The following ZMAT4 variants were observed in gnomAD, a reference collection of about 807,000 sequenced individuals.
ZMAT4 encodes the protein zinc finger matrin-type protein 4.
ZMAT4 carries 17 observed loss-of-function variants against 28.7 expected under a neutral mutation model. The observed-to-expected ratio is 0.59, with a 90% confidence interval of 0.41 to 0.89. ZMAT4 has a LOEUF of 0.89. Among genes scored for constraint, ZMAT4 ranks in the 40% least tolerant of loss-of-function variants. The pLI is 0.00. For missense variants in ZMAT4, 240 were observed against 283.8 expected (o/e 0.85, Z 1.11); for synonymous variants, 117 against 109.2 (o/e 1.07, Z -0.44).
intron 5 of ZMAT4, among the ~76,000 whole-genome samples, chr8:40,598,613 T>C (rs1805185127): frequency 6.6e-6 from 1 of 152,318 alleles, no homozygotes; most frequent in East Asian, 1.9e-4. Context: ...CAATCTATCA[T>C]TGATGGGTAT....
intron 4 of ZMAT4, among the ~76,000 whole-genome samples, chr8:40,693,708 C>T (rs190698880): frequency 6.6e-6 from 1 of 152,324 alleles, no homozygotes; most frequent in Admixed American, 6.5e-5. Context: ...CAGCCACAGA[C>T]AATATGTAAA....
At chr8:40,588,388 C>T (rs990584842) in intron 5 of ZMAT4, among the ~76,000 whole-genome samples, 1 of 151,960 alleles carries the variant, frequency 6.6e-6, no homozygotes, top group Non-Finnish European at 1.5e-5. Flanking sequence ...TGATACAGAA[C>T]TTGTATCCAG....
At chr8:40,879,008 A>C (rs1286955713) in intron 1 of ZMAT4, among the ~76,000 whole-genome samples, 1 of 152,120 alleles carries the variant, frequency 6.6e-6, no homozygotes, top group African/African-American at 2.4e-5. Context: ...TGGGGAGTCT[A>C]CCCTGTCTGT....
intron 1 of ZMAT4, among the ~76,000 whole-genome samples, chr8:40,829,586 C>T (rs182463275): frequency 8.5e-5 from 13 of 152,244 alleles, no homozygotes; most frequent in African/African-American, 2.9e-4. Flanking sequence ...ATGAGTGAGG[C>T]TCAGGGATAA....
At chr8:40,815,640 A>G (rs545455780) in intron 2 of ZMAT4, among the ~76,000 whole-genome samples, 55 of 152,308 alleles carry the variant, frequency 3.6e-4, no homozygotes, top group African/African-American at 1.3e-3. Flanking sequence ...AGTGAGGCAC[A>G]GAGCTCAGGA....
At chr8:40,740,587 G>C (rs957685089) in intron 3 of ZMAT4, among the ~76,000 whole-genome samples, 1 of 152,064 alleles carries the variant, frequency 6.6e-6, no homozygotes, top group African/African-American at 2.4e-5. Context: ...GTTTTTATTG[G>C]TGTCAGAAAC....
intron 5 of ZMAT4, among the ~76,000 whole-genome samples, chr8:40,597,965 T>A (rs1805157854): frequency 6.6e-6 from 1 of 152,226 alleles, no homozygotes. Flanking sequence ...GTAACTATAA[T>A]GTGTCTCTTC....
intron 5 of ZMAT4, among the ~76,000 whole-genome samples, chr8:40,607,887 T>G (rs2722439): frequency 0.77 from 116,735 of 151,966 alleles, 45,027 homozygotes; most frequent in East Asian, 0.97. Context: ...TGATTTCTCT[T>G]CAGGTCTCTC....
chr8:40,790,853 A>T (rs1005793448), intron 2 of ZMAT4, among the ~76,000 whole-genome samples: 5 of 152,238 alleles, frequency 3.3e-5, no homozygotes, highest in Non-Finnish European at 5.9e-5. Context: ...AAGAACAGAG[A>T]TAGAGAACTT....
At chr8:40,833,085 G>A (rs1041248645) in intron 1 of ZMAT4, among the ~76,000 whole-genome samples, 2 of 152,160 alleles carry the variant, frequency 1.3e-5, no homozygotes, top group Non-Finnish European at 2.9e-5. Flanking sequence ...GGAGGCAAGC[G>A]GGTGGTTTTC....
chr8:40,585,930 TTA>T (rs1804658352), intron 5 of ZMAT4, among the ~76,000 whole-genome samples: 1 of 152,188 alleles, frequency 6.6e-6, no homozygotes, highest in Non-Finnish European at 1.5e-5. Flanking sequence ...GCATAAATAT[TTA>T]TGTTTAAAAA....
At chr8:40,745,072 T>G (rs575347920) in intron 3 of ZMAT4, among the ~76,000 whole-genome samples, 4 of 152,248 alleles carry the variant, frequency 2.6e-5, no homozygotes, top group African/African-American at 9.6e-5. Context: ...GATCTCACTC[T>G]GAAACCACAG....
chr8:40,718,857 T>C (rs928265905), intron 3 of ZMAT4, among the ~76,000 whole-genome samples: 5 of 152,226 alleles, frequency 3.3e-5, no homozygotes, highest in African/African-American at 1.2e-4. Flanking sequence ...TCTCATACTC[T>C]TGTGGATTCA....
chr8:40,767,619 T>A (rs1554553512), intron 3 of ZMAT4, 22 bp downstream of exon 3: 3 of 1,598,630 alleles, frequency 1.9e-6, no homozygotes, highest in South Asian at 2.2e-5. Flanking sequence ...TCTGAGGATA[T>A]CACGTGGTAC....
chr8:40,864,437 T>C (rs1817606874), intron 1 of ZMAT4, among the ~76,000 whole-genome samples: 1 of 152,204 alleles, frequency 6.6e-6, no homozygotes, highest in East Asian at 1.9e-4. Flanking sequence ...GGTCTGAGGA[T>C]GACAGGTGAC....
chr8:40,616,025 C>T (rs1425285405), intron 5 of ZMAT4, among the ~76,000 whole-genome samples: 3 of 152,208 alleles, frequency 2.0e-5, no homozygotes, highest in Admixed American at 2.0e-4. Context: ...ACAATGAACT[C>T]AAACAAATTT....
intron 5 of ZMAT4, among the ~76,000 whole-genome samples, chr8:40,619,435 A>G (rs938237849): frequency 5.9e-5 from 9 of 152,192 alleles, no homozygotes; most frequent in African/African-American, 2.2e-4. Context: ...TTCATCAGAT[A>G]TGCTGTGCTG....
chr8:40,531,157 G>A lies in ZMAT4; in HGVS notation c.*1066C>T, dbSNP rs1314346588. On this transcript the variant is annotated 3_prime_UTR_variant, in exon 7 of 7. Coordinates refer to ENST00000297737, the MANE Select transcript of ZMAT4 (RefSeq NM_024645.3). ...ACCATGGAAAAGAATTAAACCTAGA[G>A]AAAGAGCCTCATGATCTGCACTCAG... is the stretch of plus-strand genomic sequence containing the variant. 2 of 152,242 alleles carry A rather than the reference G, an allele frequency of 1.3e-5. No homozygotes were observed. The highest frequency in any genetic ancestry group is 2.9e-5 in the Non-Finnish European group (2 of 68,092). The allele number at this position is 152,242 out of a possible 1,614,324, so 9.4% of individuals were successfully genotyped here.
chr8:40,808,487 T>C (rs1277557676), intron 2 of ZMAT4: 2 of 447,608 alleles, frequency 4.5e-6, no homozygotes, highest in African/African-American at 2.0e-5. Flanking sequence ...GACAATGCAG[T>C]AGTATAAAGC....
Sources: allele counts gnomAD v4.1 joint callset (sites outside exome capture counted in the v4.1 genomes callset), GRCh38; gene constraint gnomAD v4.1.1; transcripts MANE v1.5; gene names NCBI Gene and HGNC (gene_info 2026-07-23, HGNC 2026-07-21).